Variants in PGM2L1 observed in about 807,000 individuals in gnomAD.
The protein encoded by PGM2L1 is glucose 1,6-bisphosphate synthase.
Under a neutral mutation model 73.4 loss-of-function variants are expected in PGM2L1, and 35 were observed. That is an observed-to-expected ratio of 0.48 (90% confidence interval 0.36 to 0.63). The LOEUF (loss-of-function observed/expected upper bound fraction) is 0.63. PGM2L1 is among the 30% of genes least tolerant of loss of function. PGM2L1 has a pLI of 0.00. For synonymous variants in PGM2L1, 225 were observed against 253.8 expected (o/e 0.89, Z 1.08); for missense variants, 570 against 742.0 (o/e 0.77, Z 2.69).
At chr11:74,360,488 G>C (rs1038072068) in intron 5 of PGM2L1, among the ~76,000 whole-genome samples, 2 of 152,082 alleles carry the variant, frequency 1.3e-5, no homozygotes, top group African/African-American at 4.8e-5. Context: ...GACCGACGCA[G>C]AAGATGGGTG....
At chr11:74,381,836 A>G (rs915852801) in intron 1 of PGM2L1, among the ~76,000 whole-genome samples, 2 of 152,100 alleles carry the variant, frequency 1.3e-5, no homozygotes, top group African/African-American at 4.8e-5. Context: ...TAGAGAGATA[A>G]TGAGTTCAGT....
chr11:74,378,381 A>G (rs575632906), intron 1 of PGM2L1, among the ~76,000 whole-genome samples: 1 of 152,208 alleles, frequency 6.6e-6, no homozygotes, highest in Non-Finnish European at 1.5e-5. Context: ...TTTAGAAAGT[A>G]AATGCATTCA....
intron 1 of PGM2L1, among the ~76,000 whole-genome samples, chr11:74,391,526 A>C (rs552804259): frequency 6.6e-6 from 1 of 152,196 alleles, no homozygotes; most frequent in South Asian, 2.1e-4. Context: ...GGTGGGGTGT[A>C]ACGTTTTTTT....
At chr11:74,364,498 T>A (rs1006051040) in intron 5 of PGM2L1, among the ~76,000 whole-genome samples, 38 of 152,364 alleles carry the variant, frequency 2.5e-4, no homozygotes, top group Admixed American at 7.2e-4. Flanking sequence ...CTTAAGCTGA[T>A]AAGCAACTTC....
intron 12 of PGM2L1, among the ~76,000 whole-genome samples, chr11:74,341,695 G>GAAA (rs11336177): frequency 1.7e-4 from 16 of 94,048 alleles, no homozygotes; most frequent in East Asian, 1.4e-3. Context: ...CTGTCTCAAG[G>GAAA]AAAAAAAAAA....
At chr11:74,349,414 A>G (rs1424886936) in intron 6 of PGM2L1, among the ~76,000 whole-genome samples, 2 of 152,124 alleles carry the variant, frequency 1.3e-5, no homozygotes, top group African/African-American at 4.8e-5. Context: ...CAACTATCCA[A>G]TATTTGGTCA....
Position 74,336,556 on chromosome 11 carries a change from G to T in PGM2L1, c.*96C>A. On this transcript the variant is annotated 3_prime_UTR_variant, in exon 14 of 14. Transcript: ENST00000298198. ...AGGAAAAAGATACTCGGCCAGATGA[G>T]ATAGAGAGAGAATGCTAACACAAGG... 1 of 694,330 alleles carries T rather than the reference G, an allele frequency of 1.4e-6. No individual in the cohort carries two copies. The highest frequency in any genetic ancestry group is 2.3e-6 in the Non-Finnish European group (1 of 437,662). The allele number at this position is 694,330 out of a possible 1,614,324, so 43.0% of individuals were successfully genotyped here. A position where few individuals can be genotyped will look rare whatever the true frequency, so the allele number is the denominator to read the frequency against.
chr11:74,351,835 G>A (rs904495557), intron 5 of PGM2L1, among the ~76,000 whole-genome samples: 2 of 151,910 alleles, frequency 1.3e-5, no homozygotes, highest in South Asian at 2.1e-4. Flanking sequence ...GGTGGCAGGC[G>A]CCTGTAGTCC....
At chr11:74,383,950 A>T (rs1256801738) in intron 1 of PGM2L1, among the ~76,000 whole-genome samples, 3 of 151,432 alleles carry the variant, frequency 2.0e-5, no homozygotes, top group Non-Finnish European at 4.4e-5. Flanking sequence ...TATCTTTATA[A>T]TAGAATGATT....
Position 74,334,089 on chromosome 11 carries a change from T to A in PGM2L1, c.*2563A>T, listed in dbSNP as rs931791298. ...GACAGGCTAGAATAAAATAATTCCC[T>A]CAATCGATACACTTCAGGAACATTT... On this transcript the variant is annotated 3_prime_UTR_variant, in exon 14 of 14. Coordinates refer to ENST00000298198, the MANE Select transcript of PGM2L1 (RefSeq NM_173582.6). The A allele has an allele frequency of 3.9e-5, 6 of 152,208 alleles. No individual in the cohort carries two copies. Among genetic ancestry groups the A allele is most frequent in the African/African-American group, 1.4e-4 (6 of 41,460 alleles). 9.4% of individuals were successfully genotyped at this position (152,208 alleles called of 1,614,324 possible).
chr11:74,389,947 CAAAAAAAAAA>C (rs71065078), intron 1 of PGM2L1, among the ~76,000 whole-genome samples: 16 of 38,578 alleles, frequency 4.1e-4, no homozygotes, highest in Middle Eastern at 0.028. Flanking sequence ...ACTAAAAATA[CAAAAAAAAAA>C]AAAAAAAAAA....
At chr11:74,388,730 A>G (rs1863049645) in intron 1 of PGM2L1, among the ~76,000 whole-genome samples, 1 of 152,164 alleles carries the variant, frequency 6.6e-6, no homozygotes, top group South Asian at 2.1e-4. Context: ...GTTTGGTAAG[A>G]TACACTCCTC....
chr11:74,346,434 T>C (rs764066372), intron 8 of PGM2L1, among the ~76,000 whole-genome samples: 2 of 152,142 alleles, frequency 1.3e-5, no homozygotes, highest in African/African-American at 2.4e-5. Flanking sequence ...AGCATTATAC[T>C]TAACCATTAC....
intron 5 of PGM2L1, among the ~76,000 whole-genome samples, chr11:74,361,184 C>A (rs1042112135): frequency 1.3e-5 from 2 of 152,106 alleles, no homozygotes; most frequent in African/African-American, 2.4e-5. Flanking sequence ...CGGCCGGGTA[C>A]CCCTCTGAGA....
At position 74,375,172 on chromosome 11, in the gene PGM2L1, C is replaced by T. The variant is rs190512312; in HGVS notation, c.112-590G>A. On this transcript the variant is annotated intron_variant, in intron 1 of 13. Coordinates refer to ENST00000298198, the MANE Select transcript of PGM2L1 (RefSeq NM_173582.6). The stretch of plus-strand genomic sequence containing the variant: ...AAAACGATTCAATTTATCTATGGCA[C>T]AAGTTGACCATAAAAACGTTTTATG... Among the ~76,000 whole-genome samples, 369 of 152,268 alleles carry T rather than the reference C, an allele frequency of 2.4e-3. 2 individuals carry two copies. Among genetic ancestry groups the T allele is most frequent in the African/African-American group, 8.4e-3 (350 of 41,538 alleles).
chr11:74,378,761 G>T (rs375411696), intron 1 of PGM2L1, among the ~76,000 whole-genome samples: 2 of 152,084 alleles, frequency 1.3e-5, no homozygotes, highest in East Asian at 3.8e-4. Context: ...AAACATGAAA[G>T]AATTGATTTT....
chr11:74,392,424 A>G (rs531953647), intron 1 of PGM2L1, among the ~76,000 whole-genome samples: 60 of 152,286 alleles, frequency 3.9e-4, no homozygotes, highest in African/African-American at 1.3e-3. Context: ...GGACAGAAGG[A>G]GAATACTGTG....
intron 5 of PGM2L1, among the ~76,000 whole-genome samples, chr11:74,353,300 C>T (rs901685607): frequency 2.6e-5 from 4 of 151,380 alleles, no homozygotes; most frequent in Admixed American, 2.0e-4. Flanking sequence ...GTTAAAATTT[C>T]GACTGATCTT....
At position 74,365,420 on chromosome 11, in the gene PGM2L1, G is replaced by A. The variant is rs1862639478; in HGVS notation, c.555+3072C>T. Among the ~76,000 whole-genome samples the A allele has an allele frequency of 2.0e-5, 3 of 151,898 alleles. 1 individual carries two copies. In the South Asian group the frequency reaches 6.2e-4, roughly 32 times the overall value. The stretch of plus-strand genomic sequence containing the variant: ...CAGCAAAATAAACTACCATCAGAGT[G>A]AACAGGCAACCTACAGAATGGGAGA... On this transcript the variant is annotated intron_variant, in intron 5 of 13. Transcript: ENST00000298198.
Sources: allele counts gnomAD v4.1 joint callset (sites outside exome capture counted in the v4.1 genomes callset), GRCh38; gene constraint gnomAD v4.1.1; transcripts MANE v1.5; gene names NCBI Gene and HGNC (gene_info 2026-07-23, HGNC 2026-07-21).